CXADR: variants seen among roughly 807,000 people sequenced by gnomAD.
The protein encoded by CXADR is CXADR cell adhesion molecule, also known as coxsackievirus and adenovirus receptor.
CXADR carries 20 observed loss-of-function variants against 40.3 expected under a neutral mutation model. The observed-to-expected ratio is 0.50, with a 90% CI of 0.35 to 0.72. CXADR has a LOEUF of 0.72. Among genes scored for constraint, CXADR ranks in the 30% least tolerant of loss-of-function variants. The pLI, the probability that CXADR is intolerant of heterozygous loss-of-function variation, is 0.01. For missense variants in CXADR, 332 were observed against 449.1 expected, an observed-to-expected ratio of 0.74 and a Z score of 2.36; for synonymous variants, 150 against 161.3, an observed-to-expected ratio of 0.93 and a Z score of 0.53.
chr21:17,593,823 CAG>C (rs958397948), downstream of CXADR: 3 of 385,804 alleles, frequency 7.8e-6, no homozygotes, highest in Non-Finnish European at 9.2e-6. Flanking sequence ...TCGTATCCAA[CAG>C]AGTTGATGCA....
chr21:17,552,013 CT>C, intron 3 of CXADR, 60 bp downstream of exon 3: 1 of 1,254,000 alleles, frequency 8.0e-7, no homozygotes, highest in Non-Finnish European at 1.2e-6. Flanking sequence ...AGTCATAGTA[CT>C]GTAGTAGCAG....
chr21:17,571,806 GT>G (rs1419719106), downstream of CXADR, among the ~76,000 whole-genome samples: 1 of 152,150 alleles, frequency 6.6e-6, no homozygotes, highest in Non-Finnish European at 1.5e-5. Flanking sequence ...GGATACTTCT[GT>G]GCCCTCCTCA....
downstream of CXADR, among the ~76,000 whole-genome samples, chr21:17,595,024 A>C (rs71319645): frequency 6.6e-6 from 1 of 151,844 alleles, no homozygotes; most frequent in Non-Finnish European, 1.5e-5. Context: ...AAAGATAAAC[A>C]CAAAACATTC....
the CXADR span, among the ~76,000 whole-genome samples, chr21:17,616,918 A>G: frequency 6.6e-6 from 1 of 152,218 alleles, no homozygotes; most frequent in Non-Finnish European, 1.5e-5. Flanking sequence ...TATAAGCATA[A>G]AGAAAATTTG....
At chr21:17,623,474 G>C in the CXADR span, among the ~76,000 whole-genome samples, 1 of 152,134 alleles carries the variant, frequency 6.6e-6, no homozygotes, top group Non-Finnish European at 1.5e-5. Context: ...CCCCGAGGCA[G>C]CATCACTCCT....
At chr21:17,623,512 G>C in the CXADR span, among the ~76,000 whole-genome samples, 1 of 152,112 alleles carries the variant, frequency 6.6e-6, no homozygotes, top group South Asian at 2.1e-4. Flanking sequence ...CTCTGTGTTT[G>C]AACTCACCCC....
At chr21:17,514,344 A>C (rs545572070) in intron 1 of CXADR, among the ~76,000 whole-genome samples, 3 of 152,082 alleles carry the variant, frequency 2.0e-5, no homozygotes, top group Non-Finnish European at 4.4e-5. Context: ...ACATTCTATT[A>C]GCAAGTCTAA....
chr21:17,631,637 G>T, the CXADR span, among the ~76,000 whole-genome samples: 1 of 152,082 alleles, frequency 6.6e-6, no homozygotes, highest in Non-Finnish European at 1.5e-5. Flanking sequence ...CCAAATATTC[G>T]TTCTCTTAGA....
chr21:17,608,741 C>T, the CXADR span: 3 of 401,792 alleles, frequency 7.5e-6, no homozygotes, highest in African/African-American at 2.1e-5. Flanking sequence ...AAAAGACTAA[C>T]TCCTTTGACC....
intron 1 of CXADR, among the ~76,000 whole-genome samples, chr21:17,527,725 AC>A (rs1309319959): frequency 6.6e-6 from 1 of 151,938 alleles, no homozygotes; most frequent in Non-Finnish European, 1.5e-5. Context: ...CACCTTGGGA[AC>A]CCCTCATCCT....
intron 6 of CXADR, 30 bp downstream of exon 6, chr21:17,561,506 G>A: frequency 6.3e-7 from 1 of 1,577,818 alleles, no homozygotes; most frequent in Non-Finnish European, 8.6e-7. Flanking sequence ...GTTGACTGAT[G>A]TATACCAAAT....
the CXADR span, chr21:17,609,044 A>T: frequency 6.2e-7 from 1 of 1,614,082 alleles, no homozygotes; most frequent in Non-Finnish European, 8.5e-7. Context: ...TATTAGGGTC[A>T]ATTTCTCAGC....
intron 1 of CXADR, among the ~76,000 whole-genome samples, chr21:17,523,887 C>A (rs989625027): frequency 2.6e-5 from 4 of 151,894 alleles, no homozygotes; most frequent in Non-Finnish European, 4.4e-5. Context: ...TAAACAGAGT[C>A]TTGCTCTGTC....
intron 3 of CXADR, among the ~76,000 whole-genome samples, chr21:17,555,493 TATC>T (rs1402949132): frequency 4.6e-5 from 7 of 152,234 alleles, no homozygotes; most frequent in African/African-American, 1.7e-4. Context: ...ATATTATAAT[TATC>T]AAAACCAGGA....
the CXADR span, among the ~76,000 whole-genome samples, chr21:17,632,683 C>T: frequency 2.0e-5 from 3 of 151,456 alleles, no homozygotes; most frequent in South Asian, 2.1e-4. Flanking sequence ...CTGGCTAACA[C>T]GGTGAAACCC....
the CXADR span, among the ~76,000 whole-genome samples, chr21:17,608,026 T>G: frequency 1.3e-5 from 2 of 152,218 alleles, no homozygotes; most frequent in African/African-American, 4.8e-5. Flanking sequence ...CACTGTGGTG[T>G]GCAGAAAGCC....
chr21:17,542,638 C>T (rs1489376332), intron 1 of CXADR, among the ~76,000 whole-genome samples: 1 of 152,190 alleles, frequency 6.6e-6, no homozygotes. Context: ...ATAATATGAT[C>T]TAGTGCTGTG....
chr21:17,559,611 G>C (rs2123302043), intron 4 of CXADR, among the ~76,000 whole-genome samples: 1 of 150,758 alleles, frequency 6.6e-6, no homozygotes, highest in East Asian at 2.0e-4. Context: ...TATAAATGAA[G>C]AGCTATTCTA....
At chr21:17,563,998 A>G (rs1469745599) in intron 6 of CXADR, among the ~76,000 whole-genome samples, 1 of 148,938 alleles carries the variant, frequency 6.7e-6, no homozygotes. Flanking sequence ...GGTTACCACA[A>G]ACCTTCAATT....
Sources: gnomAD v4.1 joint callset for allele counts (sites outside exome capture counted in the v4.1 genomes callset) on GRCh38, gnomAD v4.1.1 for gene constraint, MANE v1.5 for transcripts, NCBI Gene and HGNC (gene_info 2026-07-23, HGNC 2026-07-21) for gene names.